GLI2: variants seen among roughly 807,000 people sequenced by gnomAD.
GLI2 encodes GLI family zinc finger 2, also known as transcription activator GLI2.
GLI2 carries 22 observed loss-of-function variants against 78.9 expected under a neutral mutation model. The observed-to-expected ratio is 0.28, with a 90% CI of 0.20 to 0.40. The LOEUF is 0.40. Ranked by LOEUF, GLI2 falls within the 10% of genes least tolerant of loss-of-function variation. The pLI, the probability that GLI2 is intolerant of heterozygous loss-of-function variation, is 1.00. For missense variants in GLI2, 2,097 were observed against 2,213.2 expected (o/e 0.95, Z 1.05); for synonymous variants, 974 against 963.7 (o/e 1.01, Z -0.20).
intron 1 of GLI2, among the ~76,000 whole-genome samples, chr2:120,744,282 G>C (rs1682636015): frequency 6.6e-6 from 1 of 152,364 alleles, no homozygotes; most frequent in Admixed American, 6.5e-5. Flanking sequence ...TACATTGTGT[G>C]TGTCCAGGCA....
chr2:120,943,698 C>A (rs11122833), intron 3 of GLI2, among the ~76,000 whole-genome samples: 1 of 152,126 alleles, frequency 6.6e-6, no homozygotes, highest in Admixed American at 6.5e-5. Flanking sequence ...TGGCCCCAGC[C>A]ACCAGCACAG....
chr2:120,942,973 C>T (rs887023060), intron 3 of GLI2, among the ~76,000 whole-genome samples: 3 of 138,942 alleles, frequency 2.2e-5, no homozygotes, highest in Non-Finnish European at 4.7e-5. Context: ...TTCACGCCCT[C>T]ACTCACTCAT....
At chr2:120,921,271 G>T (rs1056796866) in intron 2 of GLI2, among the ~76,000 whole-genome samples, 2 of 152,052 alleles carry the variant, frequency 1.3e-5, no homozygotes, top group African/African-American at 2.4e-5. Flanking sequence ...TGTTGGTGGG[G>T]GGTGTTGGGG....
chr2:120,954,125 G>A (rs1250901890), intron 4 of GLI2, among the ~76,000 whole-genome samples: 1 of 152,184 alleles, frequency 6.6e-6, no homozygotes, highest in East Asian at 1.9e-4. Flanking sequence ...TTAGGCTCAA[G>A]AGCAGCTGGC....
At chr2:120,849,920 CA>C (rs1384109543) in intron 2 of GLI2, among the ~76,000 whole-genome samples, 1 of 151,550 alleles carries the variant, frequency 6.6e-6, no homozygotes, top group Non-Finnish European at 1.5e-5. Flanking sequence ...ATTTGGAGAA[CA>C]AAAAAGAGCT....
At position 120,908,141 on chromosome 2, in the gene GLI2, G is replaced by T. The variant is rs186028354; in HGVS notation, c.149-19220G>T. 5.6e-4 allele frequency among the ~76,000 whole-genome samples: 86 copies of T among 152,284 alleles called. No homozygotes were observed. The Middle Eastern group carries it at 0.01, about 18-fold the overall frequency. Reference sequence around the variant, plus strand: ...GGTCAGCAGGACTGGTTGATAGTGGGGACTCTTATAGCAGAGGAGCCATGG... The same window carrying T: ...GGTCAGCAGGACTGGTTGATAGTGGTGACTCTTATAGCAGAGGAGCCATGG... On this transcript the variant is annotated intron_variant, in intron 2 of 13. Coordinates refer to ENST00000361492, the MANE Select transcript of GLI2 (RefSeq NM_001374353.1).
At position 120,886,641 on chromosome 2, in the gene GLI2, C is replaced by T. The variant is rs190700240; in HGVS notation, c.149-40720C>T. 2.0e-4 allele frequency among the ~76,000 whole-genome samples: 31 copies of T among 152,166 alleles called. No individual in the cohort carries two copies. In the South Asian group the frequency reaches 3.9e-3, roughly 19 times the overall value. On this transcript the variant is annotated intron_variant, in intron 2 of 13. Transcript: ENST00000361492. Reference sequence around the variant, plus strand: ...AGCTCATACTAGCCTTCCTGAGGGGCGTGAGTGGGTGAGGCAGAGGTGGAA... The same window carrying T: ...AGCTCATACTAGCCTTCCTGAGGGGTGTGAGTGGGTGAGGCAGAGGTGGAA...
At chr2:120,869,466 A>T (rs1214798791) in intron 2 of GLI2, among the ~76,000 whole-genome samples, 1 of 152,162 alleles carries the variant, frequency 6.6e-6, no homozygotes, top group Non-Finnish European at 1.5e-5. Context: ...CACCAATAGG[A>T]TCCTTTCCCT....
At chr2:120,933,687 T>G (rs1423394974) in intron 3 of GLI2, among the ~76,000 whole-genome samples, 3 of 152,146 alleles carry the variant, frequency 2.0e-5, no homozygotes, top group Admixed American at 6.5e-5. Flanking sequence ...TGCTCCCCAT[T>G]TCCTCAGTGT....
At chr2:120,771,611 C>T (rs977192602) in intron 1 of GLI2, among the ~76,000 whole-genome samples, 4 of 152,234 alleles carry the variant, frequency 2.6e-5, no homozygotes, top group Non-Finnish European at 2.9e-5. Flanking sequence ...CCCTTCCAGT[C>T]GGGAGGCTGT....
intron 2 of GLI2, among the ~76,000 whole-genome samples, chr2:120,877,134 G>C (rs1214214180): frequency 6.6e-6 from 1 of 152,096 alleles, no homozygotes; most frequent in Non-Finnish European, 1.5e-5. Flanking sequence ...GGCTTGCCTG[G>C]CCTCCCCTCC....
intron 2 of GLI2, among the ~76,000 whole-genome samples, chr2:120,869,954 A>T (rs1688345075): frequency 6.6e-6 from 1 of 152,166 alleles, no homozygotes; most frequent in Non-Finnish European, 1.5e-5. Flanking sequence ...CAGTAGGTTT[A>T]GTGTTCTGTT....
intron 2 of GLI2, among the ~76,000 whole-genome samples, chr2:120,806,138 A>G (rs1402585036): frequency 6.6e-6 from 1 of 152,164 alleles, no homozygotes; most frequent in East Asian, 1.9e-4. Flanking sequence ...TAATAGAACC[A>G]TTTATCATTA....
At chr2:120,804,657 CTGGGCTTGTTTTA>C (rs1233454503) in intron 2 of GLI2, among the ~76,000 whole-genome samples, 15 of 152,254 alleles carry the variant, frequency 9.9e-5, no homozygotes, top group Admixed American at 9.8e-4. Flanking sequence ...GTTGATGCTG[CTGGGCTTGTTTTA>C]TGGCCCAGCC....
intron 9 of GLI2, among the ~76,000 whole-genome samples, chr2:120,976,636 G>C (rs961511909): frequency 1.3e-5 from 2 of 152,240 alleles, no homozygotes; most frequent in African/African-American, 4.8e-5. Context: ...TCAAAGACGT[G>C]CTCTGTGATA....
chr2:120,977,987 T>C (rs1206101609), intron 9 of GLI2, among the ~76,000 whole-genome samples: 1 of 152,220 alleles, frequency 6.6e-6, no homozygotes, highest in Non-Finnish European at 1.5e-5. Context: ...AGGCTTCTCA[T>C]GCACCCACTA....
intron 9 of GLI2, 110 bp downstream of exon 9, chr2:120,975,219 C>T: frequency 9.9e-7 from 1 of 1,011,234 alleles, no homozygotes; most frequent in Non-Finnish European, 1.5e-6. Flanking sequence ...GGAAGAGACC[C>T]CCAGAGATGC....
rs137960978 is a variant in GLI2 at position 120,982,781 on chromosome 2, C to G, written c.1533C>G (p.Thr511=). The change falls in exon 11 of 14, where the codon ACC becomes ACG. Residue 511 remains threonine, a synonymous_variant. Transcript: ENST00000361492. ...TGAAGACACACCTGCGGTCCCACAC[C>G]GGGGAGAAGCCATATGTGTGTGAGC... ...ENLKTHLRSH[T]GEKPYVCEHE... The G allele has an allele frequency of 1.2e-6, 2 of 1,613,996 alleles. No individual in the cohort carries two copies. The highest frequency in any genetic ancestry group is 1.7e-6 in the Non-Finnish European group (2 of 1,179,928).
At chr2:120,975,155 G>T in intron 9 of GLI2, 46 bp downstream of exon 9, 1 of 1,598,620 alleles carries the variant, frequency 6.3e-7, no homozygotes, top group Non-Finnish European at 8.6e-7. Flanking sequence ...GCACGGCCCA[G>T]GCCATGCAGG....
Sources: gnomAD v4.1 joint callset for allele counts (sites outside exome capture counted in the v4.1 genomes callset) on GRCh38, gnomAD v4.1.1 for gene constraint, MANE v1.5 for transcripts, NCBI Gene and HGNC (gene_info 2026-07-23, HGNC 2026-07-21) for gene names.